CFAP107: variants seen among roughly 807,000 people sequenced by gnomAD.
CFAP107 encodes the protein cilia- and flagella-associated protein 107.
At chr1:12,752,138 G>A in the CFAP107 span, among the ~76,000 whole-genome samples, 1 of 152,178 alleles carries the variant, frequency 6.6e-6, no homozygotes, top group African/African-American at 2.4e-5. Flanking sequence ...GATACTAAAG[G>A]CGAAGACATC....
the CFAP107 span, among the ~76,000 whole-genome samples, chr1:12,760,542 C>A: frequency 6.6e-6 from 1 of 152,220 alleles, no homozygotes; most frequent in African/African-American, 2.4e-5. Flanking sequence ...AGAGCCTGAT[C>A]TCCCCTGAGC....
chr1:12,746,547 G>A, the CFAP107 span: 1 of 1,599,066 alleles, frequency 6.3e-7, no homozygotes, highest in African/African-American at 1.3e-5. Flanking sequence ...GAAAGGTAAG[G>A]AAACGAGAGA....
At chr1:12,759,622 G>C in the CFAP107 span, 1 of 990,310 alleles carries the variant, frequency 1.0e-6, no homozygotes, top group Non-Finnish European at 1.6e-6. Context: ...GACATAGTAG[G>C]GGCTGAGTTC....
the CFAP107 span, chr1:12,763,391 T>C: frequency 6.6e-6 from 1 of 152,130 alleles, no homozygotes; most frequent in South Asian, 2.1e-4. Flanking sequence ...GGATGATGAA[T>C]GAAGACCTGG....
chr1:12,746,306 A>C, the CFAP107 span: 12 of 614,544 alleles, frequency 2.0e-5, no homozygotes, highest in Admixed American at 2.5e-5. Flanking sequence ...TCTACTAGCC[A>C]TTCAGGAGGC....
the CFAP107 span, among the ~76,000 whole-genome samples, chr1:12,758,554 G>A: frequency 1.3e-5 from 2 of 152,094 alleles, no homozygotes; most frequent in African/African-American, 4.8e-5. Flanking sequence ...GGGTGCAGCC[G>A]GCATTTCCAG....
At chr1:12,748,542 T>A in the CFAP107 span, among the ~76,000 whole-genome samples, 1 of 150,912 alleles carries the variant, frequency 6.6e-6, no homozygotes, top group Non-Finnish European at 1.5e-5. Flanking sequence ...TAAGCCTTCA[T>A]GTTGGGCTGA....
the CFAP107 span, among the ~76,000 whole-genome samples, chr1:12,751,780 CT>C: frequency 1.3e-5 from 2 of 152,108 alleles, no homozygotes; most frequent in South Asian, 2.1e-4. Context: ...TAATTACCAA[CT>C]TTTTTCTGAC....
the CFAP107 span, among the ~76,000 whole-genome samples, chr1:12,755,540 C>G: frequency 6.6e-6 from 1 of 152,182 alleles, no homozygotes; most frequent in African/African-American, 2.4e-5. Context: ...GCAGGCTCCC[C>G]GTCCCCGAGC....
At chr1:12,756,235 C>T in the CFAP107 span, among the ~76,000 whole-genome samples, 1 of 152,212 alleles carries the variant, frequency 6.6e-6, no homozygotes, top group East Asian at 1.9e-4. Context: ...AGTCAAGCAC[C>T]ATCCACACAC....
the CFAP107 span, chr1:12,746,592 G>A: frequency 1.5e-6 from 2 of 1,317,374 alleles, no homozygotes; most frequent in South Asian, 2.4e-5. Flanking sequence ...CTGATGGGGA[G>A]AGGCAGGAGT....
the CFAP107 span, among the ~76,000 whole-genome samples, chr1:12,749,594 G>T: frequency 6.6e-6 from 1 of 152,148 alleles, no homozygotes; most frequent in South Asian, 2.1e-4. Context: ...CTGGGAAACA[G>T]AGTGAGAGTG....
At chr1:12,759,258 G>C in the CFAP107 span, 1 of 1,590,478 alleles carries the variant, frequency 6.3e-7, no homozygotes, top group Admixed American at 1.7e-5. Context: ...ACCATGGCCA[G>C]GTGGATGCTT....
chr1:12,757,375 T>TC, the CFAP107 span, among the ~76,000 whole-genome samples: 3 of 145,288 alleles, frequency 2.1e-5, no homozygotes, highest in Admixed American at 6.8e-5. Context: ...TTCTTTTTTT[T>TC]CCTTTTTTTC....
At chr1:12,752,691 G>A in the CFAP107 span, among the ~76,000 whole-genome samples, 2 of 150,236 alleles carry the variant, frequency 1.3e-5, no homozygotes, top group Non-Finnish European at 3.0e-5. Flanking sequence ...ATAAAGAAAA[G>A]CATTTGACAA....
the CFAP107 span, chr1:12,760,700 G>A: frequency 6.7e-7 from 1 of 1,485,650 alleles, no homozygotes. Context: ...CCAGTCTCGT[G>A]GCCATTGGCC....
At chr1:12,760,675 C>T in the CFAP107 span, 12 of 1,293,724 alleles carry the variant, frequency 9.3e-6, no homozygotes, top group Admixed American at 2.6e-4. Flanking sequence ...GGAAAATCTC[C>T]AGGGCCCCTG....
the CFAP107 span, chr1:12,746,606 G>C: frequency 7.6e-6 from 9 of 1,183,182 alleles, no homozygotes; most frequent in Non-Finnish European, 1.1e-5. Context: ...CAGGAGTGAA[G>C]TTCATCACTA....
At chr1:12,757,674 C>T in the CFAP107 span, among the ~76,000 whole-genome samples, 6 of 152,150 alleles carry the variant, frequency 3.9e-5, no homozygotes, top group South Asian at 2.1e-4. Flanking sequence ...GCGTGAGCCA[C>T]GGCACCTGGC....
Sources: gnomAD v4.1 joint callset for allele counts (sites outside exome capture counted in the v4.1 genomes callset) on GRCh38, gnomAD v4.1.1 for gene constraint, MANE v1.5 for transcripts, NCBI Gene and HGNC (gene_info 2026-07-23, HGNC 2026-07-21) for gene names.